CACNA2D3: variants seen among roughly 807,000 people sequenced by gnomAD.
The protein encoded by CACNA2D3 is calcium voltage-gated channel auxiliary subunit alpha2delta 3, also known as voltage-dependent calcium channel subunit alpha-2/delta-3.
In CACNA2D3, 60 loss-of-function variants were observed where a neutral mutation model predicts 160.6. The ratio of observed to expected loss-of-function variants is 0.37; its 90% CI spans 0.30 to 0.46. The LOEUF is 0.46. CACNA2D3 is among the 20% of genes least tolerant of loss of function. CACNA2D3 has a pLI of 1.00. For missense variants in CACNA2D3, 1,205 were observed against 1,365.0 expected, an observed-to-expected ratio of 0.88 and a Z score of 1.85; for synonymous variants, 558 against 492.9, an observed-to-expected ratio of 1.13 and a Z score of -1.75.
At position 54,590,725 on chromosome 3, in the gene CACNA2D3, G is replaced by C. The variant is rs1020614256; in HGVS notation, c.963+8848G>C. Reference sequence around the variant, plus strand: ...ACCTCCCAAAATGCTGGGATTACAGGCGTGAGCCACCATGCTTGGCCTCTT... The same window carrying C: ...ACCTCCCAAAATGCTGGGATTACAGCCGTGAGCCACCATGCTTGGCCTCTT... On this transcript the variant is annotated intron_variant, in intron 9 of 37. Transcript: ENST00000474759. 3.9e-5 allele frequency among the ~76,000 whole-genome samples: 6 copies of C among 152,152 alleles called. No individual in the cohort carries two copies. In the East Asian group the frequency reaches 7.7e-4, roughly 20 times the overall value.
intron 2 of CACNA2D3, among the ~76,000 whole-genome samples, chr3:54,290,068 T>G (rs1029550114): frequency 2.0e-5 from 3 of 151,370 alleles, no homozygotes; most frequent in Admixed American, 6.6e-5. Context: ...GGGATCTAAT[T>G]AAACTAAAGA....
intron 4 of CACNA2D3, among the ~76,000 whole-genome samples, chr3:54,465,585 G>A (rs1212372676): frequency 6.6e-6 from 1 of 152,092 alleles, no homozygotes; most frequent in Admixed American, 6.6e-5. Flanking sequence ...TATGTTCTGG[G>A]AGGTAAACTG....
chr3:54,346,629 A>T lies in CACNA2D3; in HGVS notation c.321+26071A>T, dbSNP rs77892909. Among the ~76,000 whole-genome samples, 656 of 152,264 alleles carry T rather than the reference A, an allele frequency of 4.3e-3. 4 individuals are homozygous for T. The highest frequency in any genetic ancestry group is 0.027 in the East Asian group (141 of 5,174). On this transcript the variant is annotated intron_variant, in intron 3 of 37. Coordinates refer to ENST00000474759, the MANE Select transcript of CACNA2D3 (RefSeq NM_018398.3). ...CCTGCCCCCTCCAGTTTCTCGCATTATTAACATCTTGTATTAGCCTGGTAC... is the reference window on the plus strand; with the variant it reads ...CCTGCCCCCTCCAGTTTCTCGCATTTTTAACATCTTGTATTAGCCTGGTAC...
At chr3:54,646,138 CCTTCCTTCCT>C (rs1559537847) in intron 11 of CACNA2D3, among the ~76,000 whole-genome samples, 3,506 of 31,776 alleles carry the variant, frequency 0.11, 628 homozygotes, top group Non-Finnish European at 0.21. Context: ...TTCCTTCCTT[CCTTCCTTCCT>C]TCCCTCCCTC....
chr3:55,005,777 C>A (rs1703081440), intron 32 of CACNA2D3, among the ~76,000 whole-genome samples: 1 of 152,098 alleles, frequency 6.6e-6, no homozygotes, highest in South Asian at 2.1e-4. Flanking sequence ...GAAAAAAAAC[C>A]AGACATAGTG....
chr3:54,392,227 A>G (rs1030665233), intron 4 of CACNA2D3, among the ~76,000 whole-genome samples: 2 of 152,186 alleles, frequency 1.3e-5, no homozygotes, highest in Non-Finnish European at 1.5e-5. Flanking sequence ...AAGTCTATAC[A>G]TGTTCTAGTA....
intron 11 of CACNA2D3, among the ~76,000 whole-genome samples, chr3:54,704,537 T>G (rs900410458): frequency 2.6e-5 from 4 of 152,156 alleles, no homozygotes; most frequent in African/African-American, 4.8e-5. Context: ...GAGCTGCATG[T>G]CTTGATAAAA....
intron 2 of CACNA2D3, among the ~76,000 whole-genome samples, chr3:54,161,996 C>T (rs1477058202): frequency 1.3e-5 from 2 of 152,150 alleles, no homozygotes; most frequent in Non-Finnish European, 2.9e-5. Context: ...CTGGTGAATC[C>T]TGGAGGGGCT....
At position 54,152,254 on chromosome 3, in the gene CACNA2D3, C is replaced by T. The variant is rs13320955; in HGVS notation, c.204+28660C>T. On this transcript the variant is annotated intron_variant, in intron 2 of 37. Coordinates refer to ENST00000474759, the MANE Select transcript of CACNA2D3 (RefSeq NM_018398.3). ...TCCCAGATCATTCTCATCTCAGAAG[C>T]GGGGGCATTGTGCTGTGGTTGAGTG... Among the ~76,000 whole-genome samples, 516 of 152,268 alleles carry T rather than the reference C, an allele frequency of 3.4e-3. 5 individuals carry two copies. The highest frequency in any genetic ancestry group is 0.011 in the African/African-American group (458 of 41,550).
At chr3:54,952,170 T>C (rs1701774110) in intron 27 of CACNA2D3, among the ~76,000 whole-genome samples, 1 of 152,198 alleles carries the variant, frequency 6.6e-6, no homozygotes, top group East Asian at 1.9e-4. Context: ...ATAAACTGCC[T>C]CCTGCACCCC....
chr3:54,813,454 C>G (rs769492496), intron 13 of CACNA2D3, among the ~76,000 whole-genome samples: 18 of 152,066 alleles, frequency 1.2e-4, no homozygotes, highest in Non-Finnish European at 5.9e-5. Flanking sequence ...GACATCTATA[C>G]CAGGCATGTG....
intron 2 of CACNA2D3, among the ~76,000 whole-genome samples, chr3:54,244,439 A>G (rs1702032624): frequency 6.6e-6 from 1 of 152,234 alleles, no homozygotes; most frequent in Non-Finnish European, 1.5e-5. Flanking sequence ...AAAATGTCAA[A>G]TGCCTTATTA....
chr3:54,246,234 A>G (rs1239471496), intron 2 of CACNA2D3, among the ~76,000 whole-genome samples: 1 of 152,128 alleles, frequency 6.6e-6, no homozygotes, highest in Non-Finnish European at 1.5e-5. Context: ...TCAAAAATCC[A>G]TGGCTTATAT....
At chr3:54,429,525 A>G (rs1342555067) in intron 4 of CACNA2D3, among the ~76,000 whole-genome samples, 1 of 152,098 alleles carries the variant, frequency 6.6e-6, no homozygotes, top group Non-Finnish European at 1.5e-5. Context: ...GAATGCTGGT[A>G]TTTGTAGTAC....
At chr3:54,732,634 CTTG>C (rs1291858892) in intron 11 of CACNA2D3, among the ~76,000 whole-genome samples, 1 of 152,220 alleles carries the variant, frequency 6.6e-6, no homozygotes, top group Middle Eastern at 3.4e-3. Context: ...TCCCCTGTGC[CTTG>C]TTGTTCTTTA....
chr3:54,183,456 G>A (rs905359965), intron 2 of CACNA2D3, among the ~76,000 whole-genome samples: 2 of 151,990 alleles, frequency 1.3e-5, no homozygotes, highest in East Asian at 1.9e-4. Context: ...CTGCATCCTG[G>A]CCCATATACT....
chr3:54,750,249 A>G (rs1377554124), intron 11 of CACNA2D3, among the ~76,000 whole-genome samples: 1 of 152,168 alleles, frequency 6.6e-6, no homozygotes, highest in Non-Finnish European at 1.5e-5. Flanking sequence ...GCTCAAAAAT[A>G]TGGGTTGTTT....
intron 4 of CACNA2D3, among the ~76,000 whole-genome samples, chr3:54,463,694 A>T (rs544166104): frequency 6.6e-6 from 1 of 152,138 alleles, no homozygotes; most frequent in Non-Finnish European, 1.5e-5. Flanking sequence ...CAAAGTTTTT[A>T]ACTTTTTTGC....
rs148293510 is a variant in CACNA2D3, at chr3:54,192,762, C to T, written c.204+69168C>T. Among the ~76,000 whole-genome samples, 13 of 152,230 alleles carry T rather than the reference C, an allele frequency of 8.5e-5. No homozygotes were observed. The East Asian group carries it at 2.5e-3, about 29-fold the overall frequency. ...ACAATCAGTGCTGCCCTCCAGGTAT[C>T]TCAGCCCAGCAAATGAACCAGGGGT... On this transcript the variant is annotated intron_variant, in intron 2 of 37. Transcript: ENST00000474759.
Sources: allele counts gnomAD v4.1 joint callset (sites outside exome capture counted in the v4.1 genomes callset), GRCh38; gene constraint gnomAD v4.1.1; transcripts MANE v1.5; gene names NCBI Gene and HGNC (gene_info 2026-07-23, HGNC 2026-07-21).